RPSA2: variants seen among roughly 807,000 people sequenced by gnomAD.
The protein encoded by RPSA2 is small ribosomal subunit protein uS2B.
the RPSA2 span, among the ~76,000 whole-genome samples, chr19:23,831,423 G>T: frequency 1.7e-4 from 26 of 151,812 alleles, no homozygotes; most frequent in Middle Eastern, 3.4e-3. Flanking sequence ...GATGTATTTG[G>T]GTCTGTATAT....
At chr19:23,850,121 G>A in the RPSA2 span, among the ~76,000 whole-genome samples, 2 of 151,584 alleles carry the variant, frequency 1.3e-5, no homozygotes, top group Non-Finnish European at 2.9e-5. Flanking sequence ...GTTGAGTGGG[G>A]CAATGGTCAT....
the RPSA2 span, among the ~76,000 whole-genome samples, chr19:23,833,561 A>T: frequency 2.0e-5 from 3 of 152,112 alleles, no homozygotes; most frequent in Non-Finnish European, 2.9e-5. Context: ...CAGTGTGTAC[A>T]ATGTGGCCAA....
the RPSA2 span, among the ~76,000 whole-genome samples, chr19:23,789,813 G>T: frequency 1.3e-5 from 2 of 151,914 alleles, no homozygotes; most frequent in African/African-American, 4.8e-5. Flanking sequence ...GAGTAGCTGG[G>T]ACTACAGGCA....
At chr19:23,765,147 A>G in the RPSA2 span, among the ~76,000 whole-genome samples, 1 of 152,212 alleles carries the variant, frequency 6.6e-6, no homozygotes, top group African/African-American at 2.4e-5. Flanking sequence ...CTCTTAGAAA[A>G]TTAAAATTAT....
chr19:23,857,643 A>G, the RPSA2 span, among the ~76,000 whole-genome samples: 1 of 132,116 alleles, frequency 7.6e-6, no homozygotes, highest in South Asian at 2.9e-4. Context: ...GGTGCCCACC[A>G]CCACACCTAG....
At chr19:23,806,154 C>T in the RPSA2 span, among the ~76,000 whole-genome samples, 1 of 150,238 alleles carries the variant, frequency 6.7e-6, no homozygotes, top group South Asian at 2.1e-4. Context: ...AAGCAATTCT[C>T]CTGCCTCAGC....
chr19:23,836,911 A>AT, the RPSA2 span, among the ~76,000 whole-genome samples: 1 of 151,884 alleles, frequency 6.6e-6, no homozygotes, highest in Admixed American at 6.6e-5. Context: ...GATTGTAAAG[A>AT]TTTTCTCCCA....
chr19:23,820,359 C>G, the RPSA2 span, among the ~76,000 whole-genome samples: 1 of 152,220 alleles, frequency 6.6e-6, no homozygotes, highest in South Asian at 2.1e-4. Flanking sequence ...GATGGCTAGT[C>G]TCACATTAGA....
At chr19:23,809,810 A>T in the RPSA2 span, among the ~76,000 whole-genome samples, 1 of 152,100 alleles carries the variant, frequency 6.6e-6, no homozygotes, top group Non-Finnish European at 1.5e-5. Flanking sequence ...AATTTCAATG[A>T]CTTTAAATTT....
At chr19:23,860,437 C>T in the RPSA2 span, among the ~76,000 whole-genome samples, 1 of 152,184 alleles carries the variant, frequency 6.6e-6, no homozygotes, top group South Asian at 2.1e-4. Flanking sequence ...GAGAGTATCA[C>T]CTTTTCTTTC....
At chr19:23,767,357 G>A in the RPSA2 span, among the ~76,000 whole-genome samples, 2 of 152,288 alleles carry the variant, frequency 1.3e-5, no homozygotes, top group African/African-American at 4.8e-5. Flanking sequence ...GGGATTACAG[G>A]TGTGAGCCAC....
chr19:23,839,061 T>C, the RPSA2 span, among the ~76,000 whole-genome samples: 1 of 152,214 alleles, frequency 6.6e-6, no homozygotes, highest in Non-Finnish European at 1.5e-5. Context: ...AACTTTTTGA[T>C]GTAGGCATTT....
the RPSA2 span, among the ~76,000 whole-genome samples, chr19:23,862,896 CTTTTTTTT>C: frequency 2.1e-5 from 3 of 142,738 alleles, no homozygotes; most frequent in African/African-American, 7.7e-5. Flanking sequence ...TTCTTTCTTT[CTTTTTTTT>C]TTTTTTGTTT....
chr19:23,851,490 G>A, the RPSA2 span, among the ~76,000 whole-genome samples: 2 of 152,156 alleles, frequency 1.3e-5, no homozygotes, highest in Non-Finnish European at 2.9e-5. Flanking sequence ...CTACATTGGT[G>A]AACCACCTGT....
At chr19:23,842,025 A>G in the RPSA2 span, among the ~76,000 whole-genome samples, 732 of 152,314 alleles carry the variant, frequency 4.8e-3, 4 homozygotes, top group Non-Finnish European at 6.8e-3. Context: ...CCCAGGTTCT[A>G]TCAGTTACTA....
At chr19:23,844,645 GTTATT>G in the RPSA2 span, among the ~76,000 whole-genome samples, 3 of 151,712 alleles carry the variant, frequency 2.0e-5, no homozygotes, top group Admixed American at 6.6e-5. Flanking sequence ...TATTTACCCT[GTTATT>G]TTATTTGCTG....
chr19:23,760,983 A>ATT, the RPSA2 span, among the ~76,000 whole-genome samples: 1 of 142,554 alleles, frequency 7.0e-6, no homozygotes, highest in Non-Finnish European at 1.5e-5. Flanking sequence ...TATTATTTTG[A>ATT]TTATATATAT....
At chr19:23,863,156 C>T in the RPSA2 span, among the ~76,000 whole-genome samples, 1 of 152,042 alleles carries the variant, frequency 6.6e-6, no homozygotes, top group African/African-American at 2.4e-5. Context: ...AACACTTAAC[C>T]CCTGGTTTAT....
the RPSA2 span, among the ~76,000 whole-genome samples, chr19:23,789,331 T>C: frequency 6.6e-6 from 1 of 152,112 alleles, no homozygotes; most frequent in African/African-American, 2.4e-5. Context: ...CTTATAGAAA[T>C]AGATTTTAAT....
Sources: gnomAD v4.1 joint callset for allele counts (sites outside exome capture counted in the v4.1 genomes callset) on GRCh38, gnomAD v4.1.1 for gene constraint, MANE v1.5 for transcripts, NCBI Gene and HGNC (gene_info 2026-07-23, HGNC 2026-07-21) for gene names.